The following PPFIA2 variants were observed in gnomAD, a reference collection of about 807,000 sequenced individuals.
PPFIA2 encodes liprin-alpha-2.
Under a neutral mutation model 175.5 loss-of-function variants are expected in PPFIA2, and 46 were observed. The observed-to-expected ratio is 0.26, with a 90% confidence interval of 0.21 to 0.34. PPFIA2 has a LOEUF of 0.34. Ranked by LOEUF, PPFIA2 falls within the 10% of genes least tolerant of loss-of-function variation. PPFIA2 has a pLI of 1.00. For missense variants in PPFIA2, 1,179 were observed against 1,506.1 expected (o/e 0.78, Z 3.60); for synonymous variants, 568 against 511.4 (o/e 1.11, Z -1.49).
Position 81,299,298 on chromosome 12 carries a change from T to A in PPFIA2, c.2724+3A>T. On this transcript the variant is annotated splice_donor_region_variant and intron_variant, in intron 23 of 32. Coordinates refer to ENST00000549396, the MANE Select transcript of PPFIA2 (RefSeq NM_003625.5). ...CAAGGGCCTCCTAGTTTCATTCTCT[T>A]ACCTCTAGCCATGCGACCACAGTTG... is the stretch of plus-strand genomic sequence containing the variant. 1 of 1,589,240 alleles carries A rather than the reference T, an allele frequency of 6.3e-7. No individual in the cohort carries two copies. Among genetic ancestry groups the A allele is most frequent in the Non-Finnish European group, 8.6e-7 (1 of 1,166,740 alleles).
intron 4 of PPFIA2, among the ~76,000 whole-genome samples, chr12:81,482,452 A>C (rs1283337226): frequency 6.6e-6 from 1 of 152,226 alleles, no homozygotes; most frequent in Non-Finnish European, 1.5e-5. Flanking sequence ...TGTTTACTGC[A>C]GCACTGTTCA....
At chr12:81,380,292 G>C (rs1351645315) in intron 9 of PPFIA2, among the ~76,000 whole-genome samples, 1 of 152,124 alleles carries the variant, frequency 6.6e-6, no homozygotes, top group Non-Finnish European at 1.5e-5. Context: ...CTTGAGCCTA[G>C]GAGTTCGAGG....
At chr12:81,321,125 T>C (rs1360630032) in intron 22 of PPFIA2, among the ~76,000 whole-genome samples, 1 of 151,848 alleles carries the variant, frequency 6.6e-6, no homozygotes, top group Non-Finnish European at 1.5e-5. Context: ...CAATTGATCA[T>C]TAGCCATAAC....
chr12:81,659,216 T>C (rs1427924754), intron 4 of PPFIA2, among the ~76,000 whole-genome samples: 2 of 151,964 alleles, frequency 1.3e-5, no homozygotes, highest in Non-Finnish European at 2.9e-5. Context: ...AGACAGTGGG[T>C]GCAGGACAGT....
chr12:81,310,655 T>A (rs2050540471), intron 22 of PPFIA2, among the ~76,000 whole-genome samples: 1 of 152,160 alleles, frequency 6.6e-6, no homozygotes, highest in South Asian at 2.1e-4. Flanking sequence ...ATGTCTATAA[T>A]ATTTGTTATT....
rs569983264 is a variant in PPFIA2 at position 81,642,656 on chromosome 12, A to G, written c.303+34135T>C. Among the ~76,000 whole-genome samples, 4 of 114,354 alleles carry G rather than the reference A, an allele frequency of 3.5e-5. 1 individual carries two copies. Among genetic ancestry groups the G allele is most frequent in the African/African-American group, 6.2e-5 (2 of 32,462 alleles). 75.0% of individuals were successfully genotyped at this position (114,354 alleles called of 152,430 possible). A position where few individuals can be genotyped will look rare whatever the true frequency, so the allele number is the denominator to read the frequency against. The stretch of plus-strand genomic sequence containing the variant: ...ATCTATTATATACATACATGTATGT[A>G]TCTATTATATACATACATGTATGTA... On this transcript the variant is annotated intron_variant, in intron 4 of 32. Transcript: ENST00000549396.
At chr12:81,444,029 T>C (rs1331498189) in intron 6 of PPFIA2, among the ~76,000 whole-genome samples, 1 of 151,114 alleles carries the variant, frequency 6.6e-6, no homozygotes, top group Non-Finnish European at 1.5e-5. Context: ...TAATTTTTTG[T>C]ATTTTTAGTA....
intron 20 of PPFIA2, among the ~76,000 whole-genome samples, chr12:81,340,484 G>T (rs2057858172): frequency 6.6e-6 from 1 of 152,050 alleles, no homozygotes; most frequent in Non-Finnish European, 1.5e-5. Flanking sequence ...AGATCTGTTT[G>T]CAGTGCTTTA....
chr12:81,591,752 T>C (rs1213985732), intron 4 of PPFIA2, among the ~76,000 whole-genome samples: 2 of 152,180 alleles, frequency 1.3e-5, no homozygotes, highest in South Asian at 2.1e-4. Flanking sequence ...TGGGACCTTC[T>C]GCCTAGATTT....
At chr12:81,414,850 G>A (rs146507487) in intron 7 of PPFIA2, among the ~76,000 whole-genome samples, 35 of 151,278 alleles carry the variant, frequency 2.3e-4, no homozygotes, top group African/African-American at 8.0e-4. Context: ...CATTTGTATC[G>A]CTATTTATTA....
chr12:81,630,760 T>C (rs1296879394), intron 4 of PPFIA2, among the ~76,000 whole-genome samples: 1 of 151,846 alleles, frequency 6.6e-6, no homozygotes, highest in African/African-American at 2.4e-5. Flanking sequence ...CCTAGATCTA[T>C]TTCAAACATA....
intron 17 of PPFIA2, among the ~76,000 whole-genome samples, chr12:81,348,225 T>C (rs2059400837): frequency 1.3e-5 from 2 of 152,086 alleles, no homozygotes; most frequent in Non-Finnish European, 2.9e-5. Context: ...CTCTTAAGAT[T>C]CAAAGTCATT....
intron 7 of PPFIA2, 53 bp downstream of exon 7, chr12:81,439,919 A>G: frequency 7.4e-7 from 1 of 1,348,254 alleles, no homozygotes. Context: ...AACACAAGGG[A>G]TGTAATGTCA....
At chr12:81,554,974 G>C (rs1056115902) in intron 4 of PPFIA2, among the ~76,000 whole-genome samples, 1 of 151,912 alleles carries the variant, frequency 6.6e-6, no homozygotes, top group Non-Finnish European at 1.5e-5. Context: ...CATTTTTGGG[G>C]GAATAGGATC....
At chr12:81,290,100 C>T (rs760753251) in intron 24 of PPFIA2, among the ~76,000 whole-genome samples, 5 of 151,584 alleles carry the variant, frequency 3.3e-5, no homozygotes, top group African/African-American at 4.8e-5. Flanking sequence ...AAAAAAGCCC[C>T]GAAGCCCAAG....
At chr12:81,579,832 A>G (rs1404863175) in intron 4 of PPFIA2, among the ~76,000 whole-genome samples, 1 of 151,858 alleles carries the variant, frequency 6.6e-6, no homozygotes, top group African/African-American at 2.4e-5. Context: ...ATATTTTTGC[A>G]TAGGCATCAC....
chr12:81,682,310 A>C (rs10862339), intron 3 of PPFIA2, among the ~76,000 whole-genome samples: 75,047 of 151,800 alleles, frequency 0.49, 20,024 homozygotes, highest in East Asian at 0.77. Context: ...GAGCACCCTC[A>C]GAAGAAATAA....
At chr12:81,456,913 A>T (rs1445510318) in intron 5 of PPFIA2, among the ~76,000 whole-genome samples, 1 of 152,070 alleles carries the variant, frequency 6.6e-6, no homozygotes, top group Non-Finnish European at 1.5e-5. Flanking sequence ...TTGGAAATTT[A>T]TTAAAACATA....
intron 4 of PPFIA2, among the ~76,000 whole-genome samples, chr12:81,618,529 T>G (rs2061653432): frequency 8.0e-6 from 1 of 124,644 alleles, no homozygotes. Flanking sequence ...CATGGCACTT[T>G]TTTTTTTTTT....
Sources: allele counts gnomAD v4.1 joint callset (sites outside exome capture counted in the v4.1 genomes callset), GRCh38; gene constraint gnomAD v4.1.1; transcripts MANE v1.5; gene names NCBI Gene and HGNC (gene_info 2026-07-23, HGNC 2026-07-21).